The following EYS variants were observed in gnomAD, a reference collection of about 807,000 sequenced individuals.
EYS encodes the protein EGF-like photoreceptor maintenance factor.
Under a neutral mutation model 282.1 loss-of-function variants are expected in EYS, and 250 were observed. That is an observed-to-expected ratio of 0.89 (90% confidence interval 0.80 to 0.98). The LOEUF is 0.98. Ranked by LOEUF, EYS falls within the 50% of genes least tolerant of loss-of-function variation. EYS has a pLI of 0.00. For synonymous variants in EYS, 1,355 were observed against 1,282.9 expected, an observed-to-expected ratio of 1.06 and a Z score of -1.20; for missense variants, 4,016 against 3,709.0, an observed-to-expected ratio of 1.08 and a Z score of -2.15.
intron 5 of EYS, among the ~76,000 whole-genome samples, chr6:65,465,512 A>T (rs1016941251): frequency 1.3e-5 from 2 of 151,502 alleles, no homozygotes; most frequent in African/African-American, 4.9e-5. Context: ...CCAAACAAAC[A>T]AAAAAGACAG....
In EYS at chr6:64,609,775, T is replaced by C. The variant is rs182430533; in HGVS notation, c.3684+7643A>G. 1.2e-3 allele frequency among the ~76,000 whole-genome samples: 177 copies of C among 152,150 alleles called. 1 individual carries two copies. Among genetic ancestry groups the C allele is most frequent in the African/African-American group, 4.0e-3 (166 of 41,522 alleles). On this transcript the variant is annotated intron_variant, in intron 24 of 42. Coordinates refer to ENST00000503581, the MANE Select transcript of EYS (RefSeq NM_001142800.2). ...GGGAACACATGTCTGTACTTCCAGC[T>C]ACTTGGTAGGTTGAGGCAGGAGAAC...
chr6:63,830,732 C>T (rs1771607885), intron 36 of EYS, among the ~76,000 whole-genome samples: 1 of 152,162 alleles, frequency 6.6e-6, no homozygotes, highest in South Asian at 2.1e-4. Flanking sequence ...AAAGATACTC[C>T]TTGAGAAGAG....
chr6:64,560,329 T>C (rs972773049), intron 26 of EYS, among the ~76,000 whole-genome samples: 1 of 152,038 alleles, frequency 6.6e-6, no homozygotes, highest in African/African-American at 2.4e-5. Context: ...AATTTTCTTC[T>C]CTGTCAAGAT....
rs561747978 is a variant in EYS at position 64,945,343 on chromosome 6, T to C, written c.2381+450A>G. Among the ~76,000 whole-genome samples the C allele has an allele frequency of 1.2e-3, 184 of 152,118 alleles. 1 individual carries two copies. Among genetic ancestry groups the C allele is most frequent in the Middle Eastern group, 3.4e-3 (1 of 294 alleles). ...ATTAATACAATTGAATTATGGAATA[T>C]GTGGAAAATTTATACTATAAAATAT... On this transcript the variant is annotated intron_variant, in intron 15 of 42. Coordinates refer to ENST00000503581, the MANE Select transcript of EYS (RefSeq NM_001142800.2).
At chr6:64,611,294 T>C (rs969598254) in intron 24 of EYS, among the ~76,000 whole-genome samples, 6 of 152,204 alleles carry the variant, frequency 3.9e-5, no homozygotes, top group African/African-American at 1.4e-4. Context: ...GTGGTGCAGA[T>C]TAAGTTTCAG....
At chr6:65,544,179 T>A (rs1056769015) in intron 2 of EYS, among the ~76,000 whole-genome samples, 3 of 152,166 alleles carry the variant, frequency 2.0e-5, no homozygotes, top group African/African-American at 7.2e-5. Context: ...TGGATATGGA[T>A]GTTGTTTGTC....
At chr6:64,689,842 A>ATTAGG (rs1770305638) in intron 22 of EYS, among the ~76,000 whole-genome samples, 1 of 152,118 alleles carries the variant, frequency 6.6e-6, no homozygotes, top group African/African-American at 2.4e-5. Flanking sequence ...TGGATTAAAG[A>ATTAGG]CCTAAATGTT....
At chr6:64,662,203 A>G (rs1181333477) in intron 22 of EYS, among the ~76,000 whole-genome samples, 1 of 127,994 alleles carries the variant, frequency 7.8e-6, no homozygotes, top group African/African-American at 3.0e-5. Flanking sequence ...TGGACACAGG[A>G]AGGGGAACAT....
intron 35 of EYS, among the ~76,000 whole-genome samples, chr6:63,924,926 G>A (rs542947564): frequency 4.6e-5 from 7 of 152,166 alleles, no homozygotes; most frequent in Non-Finnish European, 8.8e-5. Flanking sequence ...CTGATTGCGT[G>A]GGGAACTAAG....
At chr6:64,843,730 T>C (rs2643789) in intron 19 of EYS, among the ~76,000 whole-genome samples, 107,773 of 151,914 alleles carry the variant, frequency 0.71, 38,628 homozygotes, top group Admixed American at 0.76. Flanking sequence ...TGTGGACTTC[T>C]GGGTTAATGC....
chr6:64,092,003 T>C (rs1356767077), intron 31 of EYS, among the ~76,000 whole-genome samples: 3 of 152,204 alleles, frequency 2.0e-5, no homozygotes, highest in Non-Finnish European at 4.4e-5. Context: ...ATGCAGTGTT[T>C]GGTTTTTCTG....
chr6:64,660,321 T>C (rs9342362), intron 22 of EYS, among the ~76,000 whole-genome samples: 8 of 139,764 alleles, frequency 5.7e-5, no homozygotes, highest in Admixed American at 1.4e-4. Flanking sequence ...CTTTGAAAAC[T>C]GGCACAAGAC....
chr6:65,122,541 T>G (rs563339384), intron 12 of EYS, among the ~76,000 whole-genome samples: 51 of 152,234 alleles, frequency 3.4e-4, no homozygotes, highest in African/African-American at 1.2e-3. Flanking sequence ...TTGAAATTCG[T>G]ACTGTTTATC....
At chr6:64,521,775 T>A (rs943324663) in intron 26 of EYS, among the ~76,000 whole-genome samples, 1 of 151,856 alleles carries the variant, frequency 6.6e-6, no homozygotes, top group African/African-American at 2.4e-5. Context: ...ACTATTTTAC[T>A]GCTATTATGT....
chr6:64,289,162 T>G (rs1768610194), intron 30 of EYS, among the ~76,000 whole-genome samples: 1 of 152,062 alleles, frequency 6.6e-6, no homozygotes, highest in Non-Finnish European at 1.5e-5. Flanking sequence ...CACCTTAATT[T>G]GTGTGTTTCC....
At chr6:65,660,449 C>T (rs944388036) in intron 1 of EYS, among the ~76,000 whole-genome samples, 23 of 151,618 alleles carry the variant, frequency 1.5e-4, no homozygotes, top group African/African-American at 5.1e-4. Context: ...AGTGGAAAAG[C>T]GCTTCATGGC....
intron 31 of EYS, among the ~76,000 whole-genome samples, chr6:64,196,351 C>A (rs1582412100): frequency 1.3e-5 from 2 of 152,178 alleles, no homozygotes; most frequent in Admixed American, 1.3e-4. Context: ...CCTCAGGGAT[C>A]TTGAACTAGA....
chr6:65,513,028 T>C (rs1435864023), intron 2 of EYS, among the ~76,000 whole-genome samples: 1 of 151,922 alleles, frequency 6.6e-6, no homozygotes, highest in Admixed American at 6.6e-5. Flanking sequence ...ATCAACAAAA[T>C]TGATAGACCG....
At chr6:65,075,576 T>C (rs1360390504) in intron 12 of EYS, among the ~76,000 whole-genome samples, 1 of 152,042 alleles carries the variant, frequency 6.6e-6, no homozygotes, top group Non-Finnish European at 1.5e-5. Flanking sequence ...ACCCAAAATG[T>C]TATACAATTC....
Sources: allele counts gnomAD v4.1 joint callset (sites outside exome capture counted in the v4.1 genomes callset), GRCh38; gene constraint gnomAD v4.1.1; transcripts MANE v1.5; gene names NCBI Gene and HGNC (gene_info 2026-07-23, HGNC 2026-07-21).